Variants in ALK observed in about 807,000 individuals in gnomAD.
The protein encoded by ALK is ALK receptor tyrosine kinase, also known as ALK tyrosine kinase receptor.
In ALK, 74 loss-of-function variants were observed where a neutral mutation model predicts 163.1. That is an observed-to-expected ratio of 0.45 (90% CI 0.38 to 0.55). The LOEUF (loss-of-function observed/expected upper bound fraction) is 0.55, where lower values mean the gene tolerates loss of function less well. Among genes scored for constraint, ALK ranks in the 20% least tolerant of loss-of-function variants. The probability of loss-of-function intolerance (pLI) is 0.00; values close to 1 mark genes in which losing one functional copy is unlikely to be tolerated. For missense variants in ALK, 2,063 were observed against 2,105.3 expected (o/e 0.98, Z 0.39); for synonymous variants, 960 against 843.2 (o/e 1.14, Z -2.40).
At chr2:29,718,434 G>A (rs1032067063) in intron 1 of ALK, among the ~76,000 whole-genome samples, 3 of 152,286 alleles carry the variant, frequency 2.0e-5, no homozygotes, top group South Asian at 2.1e-4. Flanking sequence ...GTGCTTCCCA[G>A]AAAATCCCAA....
chr2:29,654,094 G>T (rs564406998), intron 3 of ALK, among the ~76,000 whole-genome samples: 125 of 152,204 alleles, frequency 8.2e-4, no homozygotes, highest in African/African-American at 3.0e-3. Flanking sequence ...GAATTGTGTG[G>T]TTAAAAAGTG....
At chr2:29,445,114 T>G (rs1231493672) in intron 4 of ALK, among the ~76,000 whole-genome samples, 1 of 152,200 alleles carries the variant, frequency 6.6e-6, no homozygotes, top group Non-Finnish European at 1.5e-5. Context: ...GCTGAAAAGG[T>G]CCTGGGTCCT....
At chr2:29,225,305 G>C (rs554433070) in intron 19 of ALK, among the ~76,000 whole-genome samples, 156 bp downstream of exon 19, 1 of 152,270 alleles carries the variant, frequency 6.6e-6, no homozygotes, top group South Asian at 2.1e-4. Context: ...GGGAGCTTCC[G>C]TTTTGGCTTG....
intron 3 of ALK, among the ~76,000 whole-genome samples, chr2:29,564,325 A>C (rs1674113974): frequency 1.3e-5 from 2 of 152,148 alleles, no homozygotes; most frequent in South Asian, 4.2e-4. Context: ...TAACTATCAA[A>C]ATCAAAACAA....
chr2:29,429,487 G>GT (rs1670223791), intron 4 of ALK, among the ~76,000 whole-genome samples: 1 of 151,960 alleles, frequency 6.6e-6, no homozygotes, highest in South Asian at 2.1e-4. Flanking sequence ...TTTTAGAATA[G>GT]TAGCATAAAG....
intron 3 of ALK, among the ~76,000 whole-genome samples, chr2:29,631,045 G>A (rs1037719500): frequency 3.3e-5 from 5 of 151,082 alleles, no homozygotes; most frequent in Non-Finnish European, 7.4e-5. Context: ...AAATGACCAC[G>A]GTGAGACTGT....
intron 3 of ALK, among the ~76,000 whole-genome samples, chr2:29,640,016 C>G (rs1003971939): frequency 8.5e-5 from 13 of 152,130 alleles, no homozygotes; most frequent in African/African-American, 2.7e-4. Flanking sequence ...CTTTTTTAAA[C>G]ATATGGTGGA....
At chr2:29,279,016 G>A (rs1236788947) in intron 9 of ALK, among the ~76,000 whole-genome samples, 1 of 152,094 alleles carries the variant, frequency 6.6e-6, no homozygotes, top group South Asian at 2.1e-4. Flanking sequence ...CCTCTAAATG[G>A]GTGCTCCCTG....
chr2:29,665,134 G>T (rs1048179927), intron 3 of ALK, among the ~76,000 whole-genome samples: 1 of 151,300 alleles, frequency 6.6e-6, no homozygotes, highest in African/African-American at 2.4e-5. Context: ...CCAAGTAGCT[G>T]TGACATTATG....
intron 1 of ALK, among the ~76,000 whole-genome samples, chr2:29,754,800 T>C (rs904073534): frequency 2.0e-5 from 3 of 152,238 alleles, no homozygotes; most frequent in Admixed American, 6.5e-5. Context: ...ATTTATACCT[T>C]AGTGGCCACT....
At chr2:29,853,890 G>A (rs1666070430) in intron 1 of ALK, among the ~76,000 whole-genome samples, 1 of 144,530 alleles carries the variant, frequency 6.9e-6, no homozygotes, top group African/African-American at 2.6e-5. Flanking sequence ...CCTCTGACAA[G>A]AAAGTTTTCT....
intron 5 of ALK, among the ~76,000 whole-genome samples, chr2:29,378,988 CA>C (rs1191078385): frequency 6.6e-6 from 1 of 152,212 alleles, no homozygotes; most frequent in East Asian, 1.9e-4. Context: ...GCTGGAATTA[CA>C]GGCATGAGCC....
At chr2:29,600,090 C>G (rs1675341275) in intron 3 of ALK, among the ~76,000 whole-genome samples, 1 of 152,148 alleles carries the variant, frequency 6.6e-6, no homozygotes, top group African/African-American at 2.4e-5. Flanking sequence ...GTGGGGCAGA[C>G]CAGTGGCCAG....
At chr2:29,663,091 A>G (rs1184324516) in intron 3 of ALK, among the ~76,000 whole-genome samples, 1 of 152,184 alleles carries the variant, frequency 6.6e-6, no homozygotes, top group Non-Finnish European at 1.5e-5. Context: ...CGGTCTTCCC[A>G]TAAGCCTATA....
chr2:29,903,751 T>A (rs1667473145), intron 1 of ALK, among the ~76,000 whole-genome samples: 1 of 152,162 alleles, frequency 6.6e-6, no homozygotes, highest in Non-Finnish European at 1.5e-5. Context: ...CTTTAAAGCA[T>A]ATTAGAGGTA....
At chr2:29,631,909 T>C (rs759479177) in intron 3 of ALK, among the ~76,000 whole-genome samples, 1 of 152,234 alleles carries the variant, frequency 6.6e-6, no homozygotes, top group African/African-American at 2.4e-5. Context: ...ATGTATTGTG[T>C]GTTACTGTAT....
intron 3 of ALK, among the ~76,000 whole-genome samples, chr2:29,600,928 C>T (rs1675364880): frequency 1.3e-5 from 2 of 152,134 alleles, no homozygotes; most frequent in South Asian, 2.1e-4. Flanking sequence ...CTTAACAGCC[C>T]AGCTCAGAGG....
intron 1 of ALK, among the ~76,000 whole-genome samples, chr2:29,871,128 G>C (rs2148412372): frequency 6.6e-6 from 1 of 152,300 alleles, no homozygotes; most frequent in East Asian, 1.9e-4. Context: ...TTGGCTTTAG[G>C]AAAGTTGACA....
At position 29,224,784 on chromosome 2, in the gene ALK, G is replaced by C. The variant is rs145108066; in HGVS notation, c.3172+677C>G. 314 of 217,000 alleles carry C rather than the reference G, an allele frequency of 1.4e-3. 1 individual carries two copies. Among genetic ancestry groups the C allele is most frequent in the African/African-American group, 6.5e-3 (288 of 44,476 alleles). 13.4% of individuals were successfully genotyped at this position (217,000 alleles called of 1,614,324 possible). ...TCCCTTTGAGGGATGGCACCATATG[G>C]GGACACAGTGTGTGCTGCCATCTCC... On this transcript the variant is annotated intron_variant, in intron 19 of 28. Transcript: ENST00000389048.
Sources: allele counts gnomAD v4.1 joint callset (sites outside exome capture counted in the v4.1 genomes callset), GRCh38; gene constraint gnomAD v4.1.1; transcripts MANE v1.5; gene names NCBI Gene and HGNC (gene_info 2026-07-23, HGNC 2026-07-21).